Variants in WDR59 observed in about 807,000 individuals in gnomAD.
The protein encoded by WDR59 is GATOR2 complex protein WDR59.
In WDR59, 100 loss-of-function variants were observed where a neutral mutation model predicts 131.2. That is an observed-to-expected ratio of 0.76 (90% CI 0.65 to 0.90). The LOEUF (loss-of-function observed/expected upper bound fraction) is 0.90. Among genes scored for constraint, WDR59 ranks in the 40% least tolerant of loss-of-function variants. The pLI is 0.00. For missense variants in WDR59, 1,203 were observed against 1,262.2 expected (o/e 0.95, Z 0.71); for synonymous variants, 601 against 466.2 (o/e 1.29, Z -3.72).
intron 6 of WDR59, 102 bp downstream of exon 6, chr16:74,948,417 G>C: frequency 9.1e-7 from 1 of 1,094,446 alleles, no homozygotes; most frequent in Non-Finnish European, 1.4e-6. Flanking sequence ...GGCAGTTAGA[G>C]AGGGAGATGG....
intron 3 of WDR59, among the ~76,000 whole-genome samples, chr16:74,952,683 T>C (rs560499635): frequency 6.6e-6 from 1 of 151,384 alleles, no homozygotes; most frequent in African/African-American, 2.4e-5. Context: ...TCCCGACATA[T>C]CATGACTTTA....
intron 10 of WDR59, among the ~76,000 whole-genome samples, chr16:74,919,351 G>A (rs2029936503): frequency 6.6e-6 from 1 of 151,326 alleles, no homozygotes; most frequent in Admixed American, 6.6e-5. Context: ...TGTATTTTGA[G>A]ATAGGGTCTC....
chr16:74,915,427 A>T lies in WDR59; in HGVS notation c.1224+443T>A, dbSNP rs146659868. On this transcript the variant is annotated intron_variant, in intron 13 of 25. Coordinates refer to ENST00000262144, the MANE Select transcript of WDR59 (RefSeq NM_030581.4). Reference sequence around the variant, plus strand: ...ACTTATTTATTTATTTATTTATTTAATTATTTTATTTATTTTTTTTGAGAC... The same window carrying T: ...ACTTATTTATTTATTTATTTATTTATTTATTTTATTTATTTTTTTTGAGAC... The T allele has an allele frequency of 8.4e-3, 1,269 of 151,606 alleles. 4 individuals carry two copies. Among genetic ancestry groups the T allele is most frequent in the Non-Finnish European group, 0.011 (750 of 68,018 alleles). 9.4% of individuals were successfully genotyped at this position (151,606 alleles called of 1,614,324 possible). A position where few individuals can be genotyped will look rare whatever the true frequency, so the allele number is the denominator to read the frequency against.
intron 10 of WDR59, 95 bp downstream of exon 10, chr16:74,921,852 C>T: frequency 6.9e-7 from 1 of 1,458,886 alleles, no homozygotes. Context: ...CCAGCTCTCT[C>T]TATGTCTTCT....
chr16:74,982,417 C>G (rs1238690596), intron 1 of WDR59, among the ~76,000 whole-genome samples: 1 of 152,168 alleles, frequency 6.6e-6, no homozygotes, highest in Non-Finnish European at 1.5e-5. Context: ...TGTTCTCTTA[C>G]TGTGACAACT....
intron 17 of WDR59, among the ~76,000 whole-genome samples, chr16:74,906,252 T>C (rs1965810465): frequency 1.5e-5 from 2 of 129,588 alleles, no homozygotes; most frequent in South Asian, 4.8e-4. Context: ...AGGCGGAGCT[T>C]GCAGTGAGCT....
chr16:74,880,766 C>G (rs997682849), intron 25 of WDR59, among the ~76,000 whole-genome samples: 1 of 152,228 alleles, frequency 6.6e-6, no homozygotes, highest in Non-Finnish European at 1.5e-5. Flanking sequence ...ACTCCCAGCA[C>G]ATAGAACAAT....
At chr16:74,900,091 A>G (rs564306526) in intron 18 of WDR59, among the ~76,000 whole-genome samples, 1 of 152,336 alleles carries the variant, frequency 6.6e-6, no homozygotes, top group Middle Eastern at 3.4e-3. Context: ...ACACACTGAG[A>G]TCATTGTGCA....
intron 9 of WDR59, among the ~76,000 whole-genome samples, chr16:74,922,335 T>G (rs2145004377): frequency 6.6e-6 from 1 of 152,300 alleles, no homozygotes; most frequent in South Asian, 2.1e-4. Flanking sequence ...GGCAAGCGCT[T>G]GAAGAACTTT....
intron 25 of WDR59, among the ~76,000 whole-genome samples, chr16:74,879,593 G>A (rs1350935903): frequency 6.6e-6 from 1 of 152,072 alleles, no homozygotes; most frequent in Non-Finnish European, 1.5e-5. Context: ...CTACTAGAAA[G>A]GAGAAAACAT....
intron 22 of WDR59, among the ~76,000 whole-genome samples, 175 bp downstream of exon 22, chr16:74,887,994 T>A (rs542552761): frequency 1.3e-5 from 2 of 151,910 alleles, no homozygotes; most frequent in Non-Finnish European, 2.9e-5. Flanking sequence ...GGTGCATGCC[T>A]GTAATCCCAG....
chr16:74,884,260 G>T (rs1193444227), intron 25 of WDR59, among the ~76,000 whole-genome samples: 3 of 152,200 alleles, frequency 2.0e-5, no homozygotes, highest in African/African-American at 7.2e-5. Flanking sequence ...TCGTAGGAAG[G>T]CCACAGTGAC....
At chr16:74,886,037 T>C (rs1964739780) in intron 24 of WDR59, 3 of 656,704 alleles carry the variant, frequency 4.6e-6, no homozygotes, top group African/African-American at 1.8e-5. Flanking sequence ...AATTAGCCAG[T>C]CATGGTGGCG....
intron 1 of WDR59, among the ~76,000 whole-genome samples, chr16:74,983,692 G>A (rs764494136): frequency 2.0e-5 from 3 of 151,904 alleles, no homozygotes; most frequent in Admixed American, 6.6e-5. Flanking sequence ...ATCTTCACTC[G>A]AGGCTGTGCT....
Position 74,923,950 on chromosome 16 carries a change from C to A in WDR59, c.705G>T (p.Val235=). 6.2e-7 allele frequency: 1 copy of A among 1,613,704 alleles called. No individual in the cohort carries two copies. The highest frequency in any genetic ancestry group is 8.5e-7 in the Non-Finnish European group (1 of 1,179,962). ...RKYLNILPCQ[V]PVWKARYTPF... Reference sequence around the variant, plus strand: ...CTGTGTATCTGGCCTTCCAGACAGGCACCTGGCAAGGAAGAATATTGAGGT... The same window carrying A: ...CTGTGTATCTGGCCTTCCAGACAGGAACCTGGCAAGGAAGAATATTGAGGT... The change falls in exon 9 of 26, where the codon GTG becomes GTT. Residue 235 remains valine, a synonymous_variant. Coordinates refer to ENST00000262144, the MANE Select transcript of WDR59 (RefSeq NM_030581.4).
At chr16:74,919,884 G>T (rs973889811) in intron 10 of WDR59, among the ~76,000 whole-genome samples, 1 of 151,948 alleles carries the variant, frequency 6.6e-6, no homozygotes, top group African/African-American at 2.4e-5. Flanking sequence ...ACCAGCCTGG[G>T]CAACATGGTG....
At chr16:74,939,003 CA>C (rs547600801) in intron 7 of WDR59, among the ~76,000 whole-genome samples, 1 of 148,000 alleles carries the variant, frequency 6.8e-6, no homozygotes, top group Non-Finnish European at 1.5e-5. Flanking sequence ...ATGTACATCA[CA>C]AAAAAAAACA....
intron 2 of WDR59, among the ~76,000 whole-genome samples, chr16:74,957,081 CTTTTTTTTTTT>C (rs34834142): frequency 1.6e-5 from 2 of 123,946 alleles, no homozygotes; most frequent in African/African-American, 6.1e-5. Flanking sequence ...CTTTTTTTTT[CTTTTTTTTTTT>C]TTTTTTGAGA....
chr16:74,981,733 G>A lies in WDR59; in HGVS notation c.54+3231C>T, dbSNP rs181762507. ...TACAGTGGTGAGATCTTGGCTCACT[G>A]CAACCTCTGCCTCCCAGGTTCAAGC... On this transcript the variant is annotated intron_variant, in intron 1 of 25. Coordinates refer to ENST00000262144, the MANE Select transcript of WDR59 (RefSeq NM_030581.4). Among the ~76,000 whole-genome samples, 250 of 130,840 alleles carry A rather than the reference G, an allele frequency of 1.9e-3. 3 individuals carry two copies. Among genetic ancestry groups the A allele is most frequent in the Admixed American group, 0.019 (241 of 12,690 alleles). 85.8% of individuals were successfully genotyped at this position (130,840 alleles called of 152,430 possible).
Sources: gnomAD v4.1 joint callset for allele counts (sites outside exome capture counted in the v4.1 genomes callset) on GRCh38, gnomAD v4.1.1 for gene constraint, MANE v1.5 for transcripts, NCBI Gene and HGNC (gene_info 2026-07-23, HGNC 2026-07-21) for gene names.